The following ITFG1 variants were observed in gnomAD, a reference collection of about 807,000 sequenced individuals.
ITFG1 encodes integrin alpha FG-GAP repeat containing 1.
A neutral mutation model predicts 81.8 loss-of-function variants in ITFG1; 34 were observed. The observed-to-expected ratio is 0.42, with a 90% CI of 0.32 to 0.55. ITFG1 has a LOEUF of 0.55. Ranked by LOEUF, ITFG1 falls within the 20% of genes least tolerant of loss-of-function variation. The pLI, the probability that ITFG1 is intolerant of heterozygous loss-of-function variation, is 0.17. For synonymous variants in ITFG1, 285 were observed against 270.6 expected (o/e 1.05, Z -0.52); for missense variants, 672 against 755.4 (o/e 0.89, Z 1.29).
intron 10 of ITFG1, among the ~76,000 whole-genome samples, chr16:47,284,318 T>C (rs558777017): frequency 6.6e-6 from 1 of 152,244 alleles, no homozygotes; most frequent in South Asian, 2.1e-4. Context: ...ACAAAAATTC[T>C]AGGAAAAAAA....
intron 8 of ITFG1, among the ~76,000 whole-genome samples, chr16:47,326,504 C>A (rs1196182414): frequency 1.3e-5 from 2 of 152,060 alleles, no homozygotes; most frequent in Middle Eastern, 3.4e-3. Context: ...AAATAAAGGG[C>A]ATTCAATTAG....
chr16:47,390,039 CAA>C (rs1305742370), intron 6 of ITFG1, among the ~76,000 whole-genome samples: 1 of 152,102 alleles, frequency 6.6e-6, no homozygotes, highest in Non-Finnish European at 1.5e-5. Context: ...AGTTTGGGTA[CAA>C]AGCTTAAAAT....
At chr16:47,356,042 G>A (rs1968035594) in intron 8 of ITFG1, among the ~76,000 whole-genome samples, 1 of 152,172 alleles carries the variant, frequency 6.6e-6, no homozygotes, top group Non-Finnish European at 1.5e-5. Flanking sequence ...AGATGAAGAA[G>A]GAGTGTATAG....
intron 8 of ITFG1, among the ~76,000 whole-genome samples, chr16:47,321,761 C>CTAAACCTTTTAGATTATATAAATCTAAA (rs1967452109): frequency 6.6e-6 from 1 of 152,072 alleles, no homozygotes; most frequent in South Asian, 2.1e-4. Context: ...TTATATAAAC[C>CTAAACCTTTTAGATTATATAAATCTAAA]AGGCTAGATA....
chr16:47,240,050 G>A (rs1965915848), intron 12 of ITFG1, among the ~76,000 whole-genome samples: 1 of 151,786 alleles, frequency 6.6e-6, no homozygotes, highest in African/African-American at 2.4e-5. Flanking sequence ...CCAGCACTTT[G>A]GGAAGCTGAG....
chr16:47,194,145 C>T (rs1205070668), intron 14 of ITFG1, among the ~76,000 whole-genome samples: 2 of 152,192 alleles, frequency 1.3e-5, no homozygotes, highest in Non-Finnish European at 2.9e-5. Context: ...TGCATTTCTT[C>T]TTACTCACTT....
intron 6 of ITFG1, among the ~76,000 whole-genome samples, chr16:47,407,638 C>T (rs1376436843): frequency 2.0e-5 from 3 of 152,166 alleles, no homozygotes; most frequent in Admixed American, 6.5e-5. Flanking sequence ...TGAGCCACTG[C>T]GCCCAGCCAA....
chr16:47,422,297 G>C (rs956841577), intron 6 of ITFG1, among the ~76,000 whole-genome samples: 2 of 152,210 alleles, frequency 1.3e-5, no homozygotes, highest in Admixed American at 1.3e-4. Context: ...CACACCAACA[G>C]TGTAAAAGTG....
intron 8 of ITFG1, among the ~76,000 whole-genome samples, chr16:47,338,985 T>G (rs1967746430): frequency 1.3e-5 from 2 of 152,226 alleles, no homozygotes; most frequent in Admixed American, 6.5e-5. Context: ...GTAACCATCC[T>G]TCCACGATTT....
At chr16:47,271,504 T>C (rs923486005) in intron 10 of ITFG1, among the ~76,000 whole-genome samples, 4 of 152,202 alleles carry the variant, frequency 2.6e-5, no homozygotes, top group African/African-American at 9.6e-5. Context: ...ACTTGTATAA[T>C]GTAGACGGGA....
At chr16:47,325,043 C>A (rs1008008320) in intron 8 of ITFG1, among the ~76,000 whole-genome samples, 6 of 152,120 alleles carry the variant, frequency 3.9e-5, no homozygotes, top group Non-Finnish European at 7.4e-5. Context: ...CTTTTCAGCA[C>A]CACACCACAC....
chr16:47,460,676 G>A (rs1036317415), intron 1 of ITFG1, among the ~76,000 whole-genome samples, 162 bp downstream of exon 1: 2 of 152,094 alleles, frequency 1.3e-5, no homozygotes, highest in African/African-American at 2.4e-5. Flanking sequence ...TGGAAAGGGT[G>A]GTGCAAAAGG....
intron 12 of ITFG1, among the ~76,000 whole-genome samples, chr16:47,241,426 A>C (rs1023577552): frequency 2.0e-5 from 3 of 152,274 alleles, no homozygotes. Flanking sequence ...CTGGATAAAC[A>C]AAATCTGGAA....
chr16:47,410,753 C>T (rs548282100), intron 6 of ITFG1, among the ~76,000 whole-genome samples: 9 of 152,300 alleles, frequency 5.9e-5, no homozygotes, highest in African/African-American at 1.9e-4. Context: ...CCCCCATAGA[C>T]GTTGGAATTG....
intron 10 of ITFG1, among the ~76,000 whole-genome samples, chr16:47,303,784 T>C (rs1967114347): frequency 6.6e-6 from 1 of 152,138 alleles, no homozygotes; most frequent in African/African-American, 2.4e-5. Context: ...CCACCATGCC[T>C]GGCTAATTTA....
intron 12 of ITFG1, among the ~76,000 whole-genome samples, chr16:47,244,899 G>T (rs1267198754): frequency 3.2e-4 from 48 of 152,088 alleles, no homozygotes; most frequent in Non-Finnish European, 6.0e-4. Context: ...CAGGAGATGA[G>T]GCTGCTCAGA....
chr16:47,220,296 A>G (rs1965676130), intron 13 of ITFG1, among the ~76,000 whole-genome samples: 1 of 152,266 alleles, frequency 6.6e-6, no homozygotes, highest in Admixed American at 6.5e-5. Context: ...CTATTTTCAT[A>G]ATAATACTAA....
At chr16:47,394,231 A>G (rs778929676) in intron 6 of ITFG1, among the ~76,000 whole-genome samples, 2 of 152,228 alleles carry the variant, frequency 1.3e-5, no homozygotes, top group Non-Finnish European at 2.9e-5. Flanking sequence ...TCTGGAAGAT[A>G]CAGTCTGTGC....
At chr16:47,234,937 T>C (rs1030038247) in intron 13 of ITFG1, among the ~76,000 whole-genome samples, 4 of 152,148 alleles carry the variant, frequency 2.6e-5, no homozygotes, top group African/African-American at 9.7e-5. Context: ...ATCTGGCATT[T>C]CCCCTGCTGG....
Sources: allele counts gnomAD v4.1 joint callset (sites outside exome capture counted in the v4.1 genomes callset), GRCh38; gene constraint gnomAD v4.1.1; transcripts MANE v1.5; gene names NCBI Gene and HGNC (gene_info 2026-07-23, HGNC 2026-07-21).